Variants in AGXT2 observed in about 807,000 individuals in gnomAD.
AGXT2 encodes alanine--glyoxylate aminotransferase 2.
A neutral mutation model predicts 62.5 loss-of-function variants in AGXT2; 61 were observed. The observed-to-expected ratio is 0.98, with a 90% CI of 0.79 to 1.21. The LOEUF is 1.21. Among genes scored for constraint, AGXT2 ranks in the 50% most tolerant of loss-of-function variants. The pLI, the probability that AGXT2 is intolerant of heterozygous loss-of-function variation, is 0.00. For missense variants in AGXT2, 666 were observed against 641.5 expected, an observed-to-expected ratio of 1.04 and a Z score of -0.41; for synonymous variants, 243 against 218.7, an observed-to-expected ratio of 1.11 and a Z score of -0.98.
chr5:35,011,645 G>A (rs907777617), intron 11 of AGXT2, among the ~76,000 whole-genome samples: 8 of 151,708 alleles, frequency 5.3e-5, no homozygotes, highest in Non-Finnish European at 1.2e-4. Flanking sequence ...GTTCATGGTC[G>A]AAAATCAGTG....
chr5:35,020,057 G>T (rs1767007460), intron 9 of AGXT2, among the ~76,000 whole-genome samples: 1 of 152,140 alleles, frequency 6.6e-6, no homozygotes, highest in African/African-American at 2.4e-5. Context: ...CCAATAACAG[G>T]ATCTGAAATT....
intron 9 of AGXT2, among the ~76,000 whole-genome samples, chr5:35,023,905 TTATTTTG>T: frequency 8.6e-6 from 1 of 116,148 alleles, no homozygotes. Flanking sequence ...ATTTATTTAT[TTATTTTG>T]AGATGGAGTT....
intron 7 of AGXT2, among the ~76,000 whole-genome samples, chr5:35,027,723 G>A (rs1272666816): frequency 6.6e-6 from 1 of 151,404 alleles, no homozygotes; most frequent in Admixed American, 6.6e-5. Context: ...CCAGAATGAG[G>A]TAGATCCCTC....
At position 35,014,129 on chromosome 5, in the gene AGXT2, C is replaced by CA; in HGVS notation, c.964-11dup. Reference sequence around the variant, plus strand: ...CAAATCCTGTCTGCACCTGGGAAAACAAGTTCAAAACCATTGGAAACCCTT... The same window carrying CA: ...CAAATCCTGTCTGCACCTGGGAAAACAAAGTTCAAAACCATTGGAAACCCTT... On this transcript the variant is annotated splice_polypyrimidine_tract_variant and intron_variant, in intron 9 of 13. Coordinates refer to ENST00000231420, the MANE Select transcript of AGXT2 (RefSeq NM_031900.4). 6.2e-7 allele frequency: 1 copy of CA among 1,613,966 alleles called. No individual in the cohort carries two copies. Among genetic ancestry groups the CA allele is most frequent in the Non-Finnish European group, 8.5e-7 (1 of 1,179,934 alleles).
chr5:35,044,272 T>C (rs1286173464), intron 1 of AGXT2, among the ~76,000 whole-genome samples: 1 of 152,194 alleles, frequency 6.6e-6, no homozygotes, highest in East Asian at 1.9e-4. Flanking sequence ...GTCTGGTCGG[T>C]AGAGAAATTT....
intron 13 of AGXT2, among the ~76,000 whole-genome samples, chr5:35,003,321 C>T (rs1033643650): frequency 2.0e-5 from 3 of 152,182 alleles, no homozygotes; most frequent in Admixed American, 2.0e-4. Flanking sequence ...CCACAGAGGC[C>T]ACTAAGGCTT....
chr5:35,034,072 G>A (rs542774839), intron 5 of AGXT2, among the ~76,000 whole-genome samples: 1 of 152,202 alleles, frequency 6.6e-6, no homozygotes, highest in African/African-American at 2.4e-5. Flanking sequence ...ATCAGTGTAA[G>A]CTTCAAATGA....
chr5:35,032,008 A>G (rs1464520114), intron 7 of AGXT2, among the ~76,000 whole-genome samples: 2 of 142,394 alleles, frequency 1.4e-5, no homozygotes, highest in African/African-American at 2.7e-5. Context: ...GTTGGAGTGC[A>G]GTGGCGTTAT....
intron 12 of AGXT2, among the ~76,000 whole-genome samples, chr5:35,005,790 T>G (rs1000883219): frequency 2.0e-5 from 3 of 152,070 alleles, no homozygotes; most frequent in East Asian, 1.9e-4. Context: ...TGCTAGTAAT[T>G]AAACTTCTTG....
intron 9 of AGXT2, among the ~76,000 whole-genome samples, chr5:35,021,939 A>G (rs1172860983): frequency 6.6e-6 from 1 of 152,262 alleles, no homozygotes; most frequent in Non-Finnish European, 1.5e-5. Flanking sequence ...TTCTCAAAAG[A>G]AGACATTTAT....
Position 35,013,033 on chromosome 5 carries a change from G to C in AGXT2, c.1109C>G (p.Ser370Cys). ...GAAGTGCTGCAGGCATTTCGCCAAA[G>C]ATTTGGCAATCTCTAGAGGGAGAAA... is the stretch of plus-strand genomic sequence containing the variant. Reference protein sequence around the residue: ...AVITTPEIAKSLAKCLQHFNT... With the variant: ...AVITTPEIAKCLAKCLQHFNT... The change falls in exon 11 of 14, where the codon TCT becomes TGT. Residue 370 changes from serine to cysteine, a missense_variant. Ser to Cys is a moderately radical substitution (Grantham distance 112, BLOSUM62 -1). Transcript: ENST00000231420. 6.4e-7 allele frequency: 1 copy of C among 1,551,722 alleles called. No individual in the cohort carries two copies. Among genetic ancestry groups the C allele is most frequent in the Non-Finnish European group, 8.7e-7 (1 of 1,146,980 alleles).
intron 9 of AGXT2, 31 bp from the exon 10 acceptor site, chr5:35,014,150 C>A (rs775517906): frequency 6.2e-7 from 1 of 1,613,658 alleles, no homozygotes; most frequent in Non-Finnish European, 8.5e-7. Context: ...CCATTGGAAA[C>A]CCTTCAAGAA....
At chr5:35,031,740 C>T (rs1048750580) in intron 7 of AGXT2, among the ~76,000 whole-genome samples, 3 of 152,180 alleles carry the variant, frequency 2.0e-5, no homozygotes, top group Non-Finnish European at 4.4e-5. Context: ...GTAGGAAGGG[C>T]AGCCTTGTGT....
chr5:35,019,028 C>A (rs1412504435), intron 9 of AGXT2, among the ~76,000 whole-genome samples: 1 of 102,464 alleles, frequency 9.8e-6, no homozygotes, highest in Admixed American at 9.9e-5. Flanking sequence ...AGCTAACTAT[C>A]CTAAATATAT....
chr5:35,034,419 C>G (rs956311094), intron 5 of AGXT2, among the ~76,000 whole-genome samples: 4 of 152,044 alleles, frequency 2.6e-5, no homozygotes, highest in Non-Finnish European at 5.9e-5. Context: ...ATGGAATGTG[C>G]AGTATTGAAT....
intron 4 of AGXT2, 130 bp downstream of exon 4, chr5:35,036,812 T>A: frequency 2.2e-6 from 3 of 1,366,110 alleles, no homozygotes; most frequent in Non-Finnish European, 3.1e-6. Context: ...CAGGCTAAAT[T>A]CCCTGCCCAT....
intron 11 of AGXT2, among the ~76,000 whole-genome samples, chr5:35,011,289 A>G (rs905170313): frequency 3.0e-4 from 46 of 152,042 alleles, no homozygotes; most frequent in African/African-American, 1.1e-3. Flanking sequence ...GTGAAACCCC[A>G]TCTCTACTAA....
At chr5:35,033,108 G>T in intron 6 of AGXT2, 1 of 496,292 alleles carries the variant, frequency 2.0e-6, no homozygotes, top group South Asian at 2.1e-5. Flanking sequence ...GAATAATTAG[G>T]TATCTGATTC....
chr5:35,022,370 A>G (rs1767141088), intron 9 of AGXT2, among the ~76,000 whole-genome samples: 1 of 152,130 alleles, frequency 6.6e-6, no homozygotes, highest in Non-Finnish European at 1.5e-5. Context: ...TGGCACATAT[A>G]CACCATGGAA....
Sources: gnomAD v4.1 joint callset for allele counts (sites outside exome capture counted in the v4.1 genomes callset) on GRCh38, gnomAD v4.1.1 for gene constraint, MANE v1.5 for transcripts, NCBI Gene and HGNC (gene_info 2026-07-23, HGNC 2026-07-21) for gene names.